Variants in LRRFIP2 observed in about 807,000 individuals in gnomAD.
The protein encoded by LRRFIP2 is LRR binding FLII interacting protein 2, also known as leucine-rich repeat flightless-interacting protein 2.
A neutral mutation model predicts 125.9 loss-of-function variants in LRRFIP2; 109 were observed. The observed-to-expected ratio is 0.87, with a 90% CI of 0.74 to 1.01. The LOEUF is 1.01. LRRFIP2 is among the 50% of genes least tolerant of loss of function. The pLI is 0.00. For missense variants in LRRFIP2, 850 were observed against 862.3 expected (o/e 0.99, Z 0.18); for synonymous variants, 291 against 293.1 (o/e 0.99, Z 0.07).
chr3:37,102,921 C>CA lies in LRRFIP2; in HGVS notation c.873+2dup, dbSNP rs748810255. On this transcript the variant is annotated splice_region_variant and intron_variant, in intron 15 of 27. Transcript: ENST00000336686. The stretch of plus-strand genomic sequence containing the variant: ...AACCAACCACCCCATGCAATACACT[C>CA]ACGCTGGACAAATCTGGGATACTGA... 3 of 1,553,608 alleles carry CA rather than the reference C, an allele frequency of 1.9e-6. No homozygotes were observed. Among genetic ancestry groups the CA allele is most frequent in the Admixed American group, 3.9e-5 (2 of 51,236 alleles).
intron 2 of LRRFIP2, among the ~76,000 whole-genome samples, chr3:37,133,547 A>ATTT (rs1368059140): frequency 6.6e-6 from 1 of 152,244 alleles, no homozygotes; most frequent in Non-Finnish European, 1.5e-5. Flanking sequence ...CCAGACAGAA[A>ATTT]GGAGTAATAT....
At chr3:37,064,602 A>AAAAAG (rs2089675141) in intron 23 of LRRFIP2, 1 of 151,544 alleles carries the variant, frequency 6.6e-6, no homozygotes, top group Non-Finnish European at 1.5e-5. Context: ...AAAAAAAAAA[A>AAAAAG]AAGATGTGGG....
At chr3:37,104,210 C>G (rs948708848) in intron 14 of LRRFIP2, among the ~76,000 whole-genome samples, 3 of 152,008 alleles carry the variant, frequency 2.0e-5, no homozygotes, top group African/African-American at 7.2e-5. Flanking sequence ...ATATAGTATT[C>G]CATTTAATCC....
intron 21 of LRRFIP2, chr3:37,068,624 A>G (rs978456042): frequency 1.3e-5 from 2 of 152,166 alleles, no homozygotes; most frequent in African/African-American, 4.8e-5. Flanking sequence ...GTGTGCAACA[A>G]TAGCTCCTAC....
At chr3:37,121,873 TGTGTGTGTGTGTG>T (rs1268076569) in intron 4 of LRRFIP2, among the ~76,000 whole-genome samples, 182 bp from the exon 5 acceptor site, 1 of 149,778 alleles carries the variant, frequency 6.7e-6, no homozygotes, top group Non-Finnish European at 1.5e-5. Context: ...TGTGTGTGTG[TGTGTGTGTGTGTG>T]TAAGTTTCAA....
At chr3:37,126,784 A>G (rs894629378) in intron 4 of LRRFIP2, among the ~76,000 whole-genome samples, 3 of 151,596 alleles carry the variant, frequency 2.0e-5, no homozygotes, top group Non-Finnish European at 2.9e-5. Flanking sequence ...GCTTGAACCC[A>G]GGAGACGGAG....
chr3:37,132,450 T>C (rs56742068), intron 2 of LRRFIP2, among the ~76,000 whole-genome samples: 40 of 152,304 alleles, frequency 2.6e-4, no homozygotes, highest in Admixed American at 7.8e-4. Flanking sequence ...AAGACATTTT[T>C]AACTACAAAA....
chr3:37,118,639 T>C (rs2094895836), intron 6 of LRRFIP2, among the ~76,000 whole-genome samples: 1 of 152,204 alleles, frequency 6.6e-6, no homozygotes, highest in Admixed American at 6.5e-5. Context: ...CCAGCCCATA[T>C]AGCTTCTGGT....
intron 1 of LRRFIP2, chr3:37,170,198 G>A (rs1295051659): frequency 6.6e-6 from 1 of 152,162 alleles, no homozygotes; most frequent in Non-Finnish European, 1.5e-5. Flanking sequence ...TGGGGGTGGG[G>A]AGGTCCATCT....
chr3:37,129,896 G>A (rs1473598826), intron 2 of LRRFIP2, among the ~76,000 whole-genome samples: 1 of 152,226 alleles, frequency 6.6e-6, no homozygotes, highest in East Asian at 1.9e-4. Context: ...GGGTGGCTGA[G>A]ACAGGAAAAT....
chr3:37,162,603 G>C (rs1053259453), intron 1 of LRRFIP2, among the ~76,000 whole-genome samples: 1 of 152,152 alleles, frequency 6.6e-6, no homozygotes, highest in African/African-American at 2.4e-5. Flanking sequence ...TAAGCTACTA[G>C]AAGATAGGCT....
intron 1 of LRRFIP2, among the ~76,000 whole-genome samples, chr3:37,165,479 A>T (rs111359646): frequency 0.023 from 3,507 of 149,740 alleles, 62 homozygotes; most frequent in Middle Eastern, 0.031. Flanking sequence ...CTCAGGGGTC[A>T]GGCATGGTGG....
At chr3:37,083,249 G>A (rs190120852) in intron 19 of LRRFIP2, among the ~76,000 whole-genome samples, 127 of 152,160 alleles carry the variant, frequency 8.3e-4, no homozygotes, top group Non-Finnish European at 3.8e-4. Flanking sequence ...CTCTTGAACC[G>A]TTCAGAAGTT....
chr3:37,174,396 C>A (rs1052146672), intron 1 of LRRFIP2, 143 bp downstream of exon 1: 17 of 152,150 alleles, frequency 1.1e-4, no homozygotes, highest in African/African-American at 4.1e-4. Context: ...AACTTCAATA[C>A]ACACTTTCTT....
At chr3:37,069,370 A>G (rs916654207) in intron 21 of LRRFIP2, among the ~76,000 whole-genome samples, 3 of 152,246 alleles carry the variant, frequency 2.0e-5, no homozygotes, top group East Asian at 1.9e-4. Flanking sequence ...GTATATACAT[A>G]CAATGGAATA....
intron 4 of LRRFIP2, among the ~76,000 whole-genome samples, chr3:37,127,247 A>G (rs1462641740): frequency 6.6e-6 from 1 of 152,222 alleles, no homozygotes; most frequent in African/African-American, 2.4e-5. Flanking sequence ...TGATATAATA[A>G]GAGTAATTTT....
Position 37,065,933 on chromosome 3 carries a change from A to G in LRRFIP2, c.1576T>C (p.Leu526=), listed in dbSNP as rs2090040661. The change falls in exon 23 of 28, where the codon TTA becomes CTA. Residue 526 remains leucine (L), a synonymous_variant. Coordinates refer to ENST00000336686, the MANE Select transcript of LRRFIP2 (RefSeq NM_006309.4). The part of the protein sequence containing the change: ...ETVKTGEKHG[L]VIIPDGTPNG... ...GGAGTGCCATCGGGGATTATAACTA[A>G]GCCATGTTTCTGCAGGGGGGAAAAA... is the stretch of plus-strand genomic sequence containing the variant. 6.2e-7 allele frequency: 1 copy of G among 1,614,024 alleles called. No homozygotes were observed.
chr3:37,080,201 A>T (rs2092506857), intron 19 of LRRFIP2, among the ~76,000 whole-genome samples: 1 of 152,070 alleles, frequency 6.6e-6, no homozygotes, highest in Non-Finnish European at 1.5e-5. Context: ...GTTCGGGACC[A>T]GCCTGACCAA....
chr3:37,123,326 G>C (rs2095142958), intron 4 of LRRFIP2, among the ~76,000 whole-genome samples: 1 of 152,024 alleles, frequency 6.6e-6, no homozygotes, highest in South Asian at 2.1e-4. Context: ...TAAGTAGCTG[G>C]GACCACAGGC....
Sources: gnomAD v4.1 joint callset for allele counts (sites outside exome capture counted in the v4.1 genomes callset) on GRCh38, gnomAD v4.1.1 for gene constraint, MANE v1.5 for transcripts, NCBI Gene and HGNC (gene_info 2026-07-23, HGNC 2026-07-21) for gene names.